LETMD1: variants seen among roughly 807,000 people sequenced by gnomAD.
LETMD1 encodes LETM1 domain containing 1.
A neutral mutation model predicts 43.9 loss-of-function variants in LETMD1; 30 were observed. That is an observed-to-expected ratio of 0.68 (90% CI 0.51 to 0.93). LETMD1 has a LOEUF of 0.93. Ranked by LOEUF, LETMD1 falls within the 40% of genes least tolerant of loss-of-function variation. The pLI is 0.00. For synonymous variants in LETMD1, 176 were observed against 163.1 expected (o/e 1.08, Z -0.60); for missense variants, 413 against 447.7 (o/e 0.92, Z 0.70).
downstream of LETMD1, chr12:51,064,753 A>T (rs1937943295): frequency 7.9e-7 from 1 of 1,266,944 alleles, no homozygotes; most frequent in Non-Finnish European, 1.1e-6. Flanking sequence ...GCAAACAGGC[A>T]GTTGGGATTT....
Position 51,055,737 on chromosome 12 carries a change from T to G in LETMD1, c.474-98T>G. ...GAGGTAGGGAAATAGTGTCTCCATC[T>G]CTTCTTCCTAGTATTCATGTCTACC... is the stretch of plus-strand genomic sequence containing the variant. On this transcript the variant is annotated intron_variant, in intron 4 of 8. Coordinates refer to ENST00000262055, the MANE Select transcript of LETMD1 (RefSeq NM_015416.5). 4.8e-6 allele frequency: 3 copies of G among 630,710 alleles called. No individual in the cohort carries two copies. In the Middle Eastern group the frequency reaches 8.2e-4, roughly 173 times the overall value. 39.1% of individuals were successfully genotyped at this position (630,710 alleles called of 1,614,324 possible).
At chr12:51,049,373 T>A in intron 2 of LETMD1, 188 bp downstream of exon 2, 1 of 550,142 alleles carries the variant, frequency 1.8e-6, no homozygotes, top group Non-Finnish European at 3.2e-6. Flanking sequence ...TCTAGAAAGA[T>A]GTTATGAGAA....
downstream of LETMD1, chr12:51,064,101 G>C (rs1377982340): frequency 6.2e-7 from 1 of 1,614,044 alleles, no homozygotes; most frequent in Non-Finnish European, 8.5e-7. Flanking sequence ...TCCCAAGACT[G>C]GCCTCTGCTC....
downstream of LETMD1, chr12:51,064,263 C>T (rs768203184): frequency 3.1e-6 from 5 of 1,612,702 alleles, no homozygotes; most frequent in African/African-American, 5.3e-5. Context: ...AAGGCCTGGG[C>T]ACAGCTCTTC....
intron 8 of LETMD1, chr12:51,058,671 C>T (rs978156436): frequency 1.3e-5 from 2 of 159,122 alleles, no homozygotes; most frequent in Admixed American, 1.2e-4. Flanking sequence ...ATCCGCTGGC[C>T]TCGGCCTCCC....
At chr12:51,064,325 C>T (rs762329617), downstream of LETMD1, 7 of 1,614,142 alleles carry the variant, frequency 4.3e-6, no homozygotes, top group East Asian at 2.2e-5. Flanking sequence ...TCTCGATGCT[C>T]GAGTCCAGGC....
the LETMD1 span, among the ~76,000 whole-genome samples, chr12:51,068,278 A>G: frequency 6.6e-6 from 1 of 152,000 alleles, no homozygotes; most frequent in African/African-American, 2.4e-5. Context: ...CTGCCTCCCA[A>G]GTAGTTGGGA....
downstream of LETMD1, chr12:51,062,852 T>G (rs982818251): frequency 1.3e-5 from 2 of 152,508 alleles, no homozygotes; most frequent in Non-Finnish European, 2.9e-5. Flanking sequence ...TCTTTCCAGA[T>G]AGCAAGCAGC....
intron 2 of LETMD1, among the ~76,000 whole-genome samples, chr12:51,050,766 C>T (rs1366682963): frequency 1.3e-5 from 2 of 151,674 alleles, no homozygotes; most frequent in Non-Finnish European, 1.5e-5. Flanking sequence ...GTAACCCCAG[C>T]ACTTTGGGAG....
At chr12:51,048,747 A>T in intron 1 of LETMD1, 1 of 593,078 alleles carries the variant, frequency 1.7e-6, no homozygotes, top group Non-Finnish European at 3.0e-6. Flanking sequence ...TACCGCTGCT[A>T]TCTCGATTCC....
chr12:51,063,602 C>G (rs886922620), downstream of LETMD1: 2 of 641,920 alleles, frequency 3.1e-6, no homozygotes, highest in Non-Finnish European at 5.0e-6. Flanking sequence ...AATACTCAAA[C>G]AATCCTTTCC....
At position 51,059,116 on chromosome 12, in the gene LETMD1, A is replaced by G. The variant is rs1948545473; in HGVS notation, c.1013-245A>G. On this transcript the variant is annotated intron_variant, in intron 8 of 8. Coordinates refer to ENST00000262055, the MANE Select transcript of LETMD1 (RefSeq NM_015416.5). Reference sequence around the variant, plus strand: ...AACGCGACTGGTGTTTAGTACCATTACCATCTCTGAATTTTCTACTGCAAT... The same window carrying G: ...AACGCGACTGGTGTTTAGTACCATTGCCATCTCTGAATTTTCTACTGCAAT... 2.9e-5 allele frequency: 14 copies of G among 482,736 alleles called. No individual in the cohort carries two copies. In the South Asian group the frequency reaches 3.0e-4, roughly 10 times the overall value. The allele number at this position is 482,736 out of a possible 1,614,324, so 29.9% of individuals were successfully genotyped here. A position where few individuals can be genotyped will look rare whatever the true frequency, so the allele number is the denominator to read the frequency against.
At chr12:51,060,901 CAAAA>C (rs35850463), downstream of LETMD1, among the ~76,000 whole-genome samples, 2 of 65,486 alleles carry the variant, frequency 3.1e-5, no homozygotes, top group South Asian at 5.0e-4. Context: ...GATTCTGTCT[CAAAA>C]AAAAAAAAAA....
At chr12:51,064,148 G>C (rs1279365893), downstream of LETMD1, 2 of 1,614,078 alleles carry the variant, frequency 1.2e-6, no homozygotes, top group Non-Finnish European at 1.7e-6. Flanking sequence ...TGTTCAAGTA[G>C]GATGGGCTGT....
upstream of LETMD1, chr12:51,048,313 G>C (rs746816488): frequency 1.9e-6 from 3 of 1,613,426 alleles, no homozygotes; most frequent in African/African-American, 2.7e-5. Context: ...GGTTAACTTT[G>C]ACCCAAAGAC....
chr12:51,057,178 G>A (rs1947969917), intron 7 of LETMD1, among the ~76,000 whole-genome samples: 1 of 152,156 alleles, frequency 6.6e-6, no homozygotes, highest in Non-Finnish European at 1.5e-5. Flanking sequence ...GTGGATTGCA[G>A]TGAGCCAAGA....
In LETMD1 at chr12:51,052,179, C is replaced by T. The variant is rs1022859211; in HGVS notation, c.362C>T (p.Pro121Leu). Residue 121 changes from proline (P) to leucine (L), a missense_variant, in exon 3 of 9, where the codon CCA becomes CTA. By Grantham distance (98) the Pro-to-Leu change is moderately conservative. Coordinates refer to ENST00000262055, the MANE Select transcript of LETMD1 (RefSeq NM_015416.5). Reference protein sequence around the residue: ...WKHNIKFHQLPYREMEHLRQF... With the variant: ...WKHNIKFHQLLYREMEHLRQF... ...CACAATATAAAGTTTCATCAACTTC[C>T]ATACCGGGAGATGGAGCATTTGAGA... 2 of 1,613,968 alleles carry T rather than the reference C, an allele frequency of 1.2e-6. No homozygotes were observed. Among genetic ancestry groups the T allele is most frequent in the Non-Finnish European group, 8.5e-7 (1 of 1,179,842 alleles).
chr12:51,065,214 C>T (rs978294957), downstream of LETMD1, among the ~76,000 whole-genome samples: 5 of 152,134 alleles, frequency 3.3e-5, no homozygotes, highest in Non-Finnish European at 7.3e-5. Context: ...GGTGCTAGAA[C>T]GCAGGTTCAC....
chr12:51,067,551 T>C, the LETMD1 span: 1 of 895,654 alleles, frequency 1.1e-6, no homozygotes, highest in East Asian at 2.5e-5. The surrounding 1 kb of genome is among the most constrained non-coding windows in gnomAD (Gnocchi z 4.1). Context: ...GTTGTGGAAC[T>C]GGAGAGTGTT....
Sources: gnomAD v4.1 joint callset for allele counts (sites outside exome capture counted in the v4.1 genomes callset) on GRCh38, gnomAD v4.1.1 for gene constraint, Gnocchi (gnomAD v3.1) non-coding constraint, MANE v1.5 for transcripts, NCBI Gene and HGNC (gene_info 2026-07-23, HGNC 2026-07-21) for gene names.